Variants in SAMMSON observed in about 807,000 individuals in gnomAD.
SAMMSON encodes long intergenic non-protein coding RNA 1212.
chr3:70,071,379 G>T (rs973307636), intron 3 of SAMMSON: 2 of 152,078 alleles, frequency 1.3e-5, no homozygotes, highest in African/African-American at 4.8e-5. Flanking sequence ...AATAGTGAAA[G>T]GTTGTCTGCA....
rs528929258 is a variant in SAMMSON, at chr3:70,256,016, A to G, written n.674+6346A>G. Among the ~76,000 whole-genome samples the G allele has an allele frequency of 6.6e-5, 10 of 152,346 alleles. No individual in the cohort carries two copies. In the South Asian group the frequency reaches 1.4e-3, roughly 22 times the overall value. ...TTCTCCACTGGCATTGAACCAGTTTATAGGTGTAATAGTACCACCCCAAAT... is the reference window on the plus strand; with the variant it reads ...TTCTCCACTGGCATTGAACCAGTTTGTAGGTGTAATAGTACCACCCCAAAT... On this transcript the variant is annotated intron_variant and non_coding_transcript_variant, in intron 6 of 9. Transcript: ENST00000642114.
intron 4 of SAMMSON, among the ~76,000 whole-genome samples, chr3:70,246,733 G>A (rs1033222078): frequency 1.3e-5 from 2 of 151,892 alleles, no homozygotes; most frequent in African/African-American, 2.4e-5. Flanking sequence ...TCCAAACTAC[G>A]AAAGCAAGAC....
intron 4 of SAMMSON, among the ~76,000 whole-genome samples, chr3:70,080,059 T>C (rs2067262439): frequency 6.6e-6 from 1 of 152,216 alleles, no homozygotes; most frequent in Admixed American, 6.5e-5. Flanking sequence ...CTTGATTGGC[T>C]TTTTCACCTT....
intron 3 of SAMMSON, chr3:70,069,846 T>C (rs976774967): frequency 3.3e-5 from 5 of 152,250 alleles, no homozygotes; most frequent in South Asian, 4.1e-4. Context: ...TGCTGTGAGA[T>C]GTAGAGGCAT....
chr3:70,126,416 T>A, intron 4 of SAMMSON: 3 of 755,850 alleles, frequency 4.0e-6, no homozygotes. Context: ...AAAAGCTGTA[T>A]GTTTCAGCTG....
chr3:70,096,926 T>C (rs2067324963), intron 4 of SAMMSON, among the ~76,000 whole-genome samples: 1 of 152,200 alleles, frequency 6.6e-6, no homozygotes, highest in Non-Finnish European at 1.5e-5. Context: ...CATGTAAAAC[T>C]AGCTTGTGAC....
At position 70,153,212 on chromosome 3, in the gene SAMMSON, G is replaced by A. The variant is rs1008874541; in HGVS notation, n.507+81647G>A. ...TTTTTTTAATCCTCACCCCAGCCCC[G>A]CCCAAGTTTTTTAAATGACTTTACA... On this transcript the variant is annotated intron_variant and non_coding_transcript_variant, in intron 4 of 9. Transcript: ENST00000642114. Among the ~76,000 whole-genome samples the A allele has an allele frequency of 4.0e-5, 6 of 151,794 alleles. No individual in the cohort carries two copies. In the South Asian group the frequency reaches 8.3e-4, roughly 21 times the overall value.
intron 4 of SAMMSON, among the ~76,000 whole-genome samples, chr3:70,236,888 C>T (rs1047047532): frequency 3.9e-5 from 6 of 152,144 alleles, no homozygotes; most frequent in East Asian, 1.9e-4. Flanking sequence ...ACAGCCACTG[C>T]GCCTAGCAGA....
At chr3:70,166,926 A>G (rs1296765294) in intron 4 of SAMMSON, among the ~76,000 whole-genome samples, 35 of 151,986 alleles carry the variant, frequency 2.3e-4, no homozygotes, top group Non-Finnish European at 1.5e-5. Context: ...TATTCTCTTT[A>G]GTTCACCTTA....
At position 70,175,821 on chromosome 3, in the gene SAMMSON, T is replaced by C. The variant is rs987165510; in HGVS notation, n.508-73286T>C. ...CTAGCACAAAATTTCTCTCTGACGA[T>C]GGTAAAAAGTTGGGTCCTGGGTTTC... On this transcript the variant is annotated intron_variant and non_coding_transcript_variant, in intron 4 of 9. Coordinates refer to ENST00000642114, the Ensembl canonical transcript of SAMMSON. 3.9e-5 allele frequency among the ~76,000 whole-genome samples: 6 copies of C among 152,220 alleles called. No individual in the cohort carries two copies. In the East Asian group the frequency reaches 9.7e-4, roughly 25 times the overall value.
At chr3:70,382,879 T>C (rs926389721) in intron 9 of SAMMSON, among the ~76,000 whole-genome samples, 5 of 152,152 alleles carry the variant, frequency 3.3e-5, no homozygotes, top group Non-Finnish European at 7.4e-5. Context: ...AACCTTTTCC[T>C]TTGCAGACTT....
intron 4 of SAMMSON, among the ~76,000 whole-genome samples, chr3:70,199,562 C>T (rs550970058): frequency 1.3e-5 from 2 of 152,120 alleles, no homozygotes; most frequent in South Asian, 4.2e-4. Context: ...GAATTGAAAA[C>T]AGATTTTTCC....
intron 4 of SAMMSON, among the ~76,000 whole-genome samples, chr3:70,233,261 AG>A (rs1243484722): frequency 6.6e-6 from 1 of 152,104 alleles, no homozygotes; most frequent in Non-Finnish European, 1.5e-5. Flanking sequence ...AAAAGATAAA[AG>A]CTGAAATCTG....
At chr3:70,394,690 T>C (rs1033142009), downstream of SAMMSON, among the ~76,000 whole-genome samples, 1 of 152,158 alleles carries the variant, frequency 6.6e-6, no homozygotes, top group African/African-American at 2.4e-5. Flanking sequence ...GTACGTTACA[T>C]ATATTTCACC....
At chr3:70,263,730 C>A (rs1701889378) in intron 6 of SAMMSON, among the ~76,000 whole-genome samples, 1 of 152,170 alleles carries the variant, frequency 6.6e-6, no homozygotes, top group Non-Finnish European at 1.5e-5. Flanking sequence ...TTTCTATCCT[C>A]TCTGCCTCCC....
intron 2 of SAMMSON, among the ~76,000 whole-genome samples, chr3:70,400,019 G>T (rs1701127139): frequency 6.6e-6 from 1 of 150,578 alleles, no homozygotes; most frequent in Non-Finnish European, 1.5e-5. Context: ...TGATTATATT[G>T]TGTGAAAATA....
chr3:70,013,134 T>A (rs2066965417), intron 2 of SAMMSON, among the ~76,000 whole-genome samples: 1 of 152,126 alleles, frequency 6.6e-6, no homozygotes, highest in African/African-American at 2.4e-5. Context: ...GAACAGTTTC[T>A]GGCATATAGT....
intron 4 of SAMMSON, among the ~76,000 whole-genome samples, chr3:70,119,752 C>T (rs964453939): frequency 6.6e-6 from 1 of 152,044 alleles, no homozygotes; most frequent in African/African-American, 2.4e-5. Context: ...AACACATTAT[C>T]TATGTATATA....
chr3:70,264,863 A>G (rs572774106), intron 6 of SAMMSON, among the ~76,000 whole-genome samples: 2 of 152,174 alleles, frequency 1.3e-5, no homozygotes, highest in African/African-American at 4.8e-5. Context: ...TAATAAAGAC[A>G]TACCATAGAC....
Sources: allele counts gnomAD v4.1 joint callset (sites outside exome capture counted in the v4.1 genomes callset), GRCh38; gene constraint gnomAD v4.1.1; transcripts MANE v1.5; gene names NCBI Gene and HGNC (gene_info 2026-07-23, HGNC 2026-07-21).